The following DIS3L2 variants were observed in gnomAD, a reference collection of about 807,000 sequenced individuals.
DIS3L2 encodes the protein DIS3 like 3'-5' exoribonuclease 2.
Under a neutral mutation model 97.5 loss-of-function variants are expected in DIS3L2, and 34 were observed. That is an observed-to-expected ratio of 0.35 (90% CI 0.27 to 0.46). The LOEUF is 0.46. Among genes scored for constraint, DIS3L2 ranks in the 20% least tolerant of loss-of-function variants. The pLI is 1.00. For missense variants in DIS3L2, 1,038 were observed against 1,146.0 expected (o/e 0.91, Z 1.36); for synonymous variants, 435 against 445.2 (o/e 0.98, Z 0.29).
rs773802011 is a variant in DIS3L2, at chr2:232,276,563, C to T, written c.1659+13123C>T. On this transcript the variant is annotated intron_variant, in intron 13 of 20. Transcript: ENST00000325385. This position sits in a 1 kb window ranked among gnomAD's most constrained non-coding sequence, Gnocchi z 4.4. ...CCAGAGGCCTCGCTCAGACTTGTTC[C>T]TTTTTGGTACATGTTTCCACTCCAG... is the stretch of plus-strand genomic sequence containing the variant. Among the ~76,000 whole-genome samples the T allele has an allele frequency of 1.9e-4, 29 of 152,224 alleles. No individual in the cohort carries two copies. The highest frequency in any genetic ancestry group is 3.4e-4 in the Non-Finnish European group (23 of 68,036).
intron 13 of DIS3L2, among the ~76,000 whole-genome samples, chr2:232,275,260 C>G (rs1406103622): frequency 6.6e-6 from 1 of 152,198 alleles, no homozygotes; most frequent in Non-Finnish European, 1.5e-5. Flanking sequence ...GGTTTTCTTT[C>G]TTTACTCCTT....
At chr2:232,106,551 G>C (rs1007289538) in intron 6 of DIS3L2, among the ~76,000 whole-genome samples, 6 of 152,176 alleles carry the variant, frequency 3.9e-5, no homozygotes, top group African/African-American at 1.4e-4. Flanking sequence ...AACAAGGAGA[G>C]TTAAATGTCC....
At chr2:232,100,587 C>T (rs986484750) in intron 6 of DIS3L2, among the ~76,000 whole-genome samples, 7 of 151,848 alleles carry the variant, frequency 4.6e-5, no homozygotes, top group African/African-American at 1.7e-4. Context: ...TTATTATTCA[C>T]TTTTAAATGT....
At chr2:232,279,094 C>T (rs540735051) in intron 13 of DIS3L2, among the ~76,000 whole-genome samples, 14 of 152,284 alleles carry the variant, frequency 9.2e-5, no homozygotes, top group Admixed American at 7.8e-4. Flanking sequence ...TGTGCCACCA[C>T]GCCCAGCTTA....
chr2:232,012,536 G>A (rs1294905056), intron 1 of DIS3L2, among the ~76,000 whole-genome samples: 8 of 152,066 alleles, frequency 5.3e-5, no homozygotes, highest in Non-Finnish European at 1.2e-4. Context: ...TCGACTCCTC[G>A]CCCCAACCAA....
chr2:232,233,803 A>C (rs900526856), intron 10 of DIS3L2, among the ~76,000 whole-genome samples: 1 of 152,212 alleles, frequency 6.6e-6, no homozygotes, highest in Non-Finnish European at 1.5e-5. Flanking sequence ...TAAGCTAGAA[A>C]TTTAGGAGTG....
chr2:232,242,454 T>A (rs2853366), intron 11 of DIS3L2, among the ~76,000 whole-genome samples: 1 of 151,988 alleles, frequency 6.6e-6, no homozygotes, highest in African/African-American at 2.4e-5. Flanking sequence ...TGACTTGGCT[T>A]GTGGGCATCT....
intron 10 of DIS3L2, among the ~76,000 whole-genome samples, chr2:232,235,581 T>C (rs1050475376): frequency 2.0e-5 from 3 of 152,236 alleles, no homozygotes; most frequent in Non-Finnish European, 2.9e-5. Flanking sequence ...TAATGAACTC[T>C]TTGTCAGTTT....
intron 13 of DIS3L2, among the ~76,000 whole-genome samples, chr2:232,342,345 G>T (rs984368726): frequency 6.7e-6 from 1 of 150,300 alleles, no homozygotes; most frequent in Non-Finnish European, 1.5e-5. Flanking sequence ...ACATGAAGAA[G>T]TATCTTATTT....
At chr2:232,189,693 T>C (rs1016282037) in intron 9 of DIS3L2, among the ~76,000 whole-genome samples, 1 of 152,158 alleles carries the variant, frequency 6.6e-6, no homozygotes. Flanking sequence ...TAAAATTGTA[T>C]AGAACTTATA....
intron 9 of DIS3L2, among the ~76,000 whole-genome samples, chr2:232,202,009 GT>G (rs1014463055): frequency 4.9e-4 from 74 of 152,212 alleles, no homozygotes; most frequent in African/African-American, 1.5e-3. Context: ...TATTTTCTGG[GT>G]TTAAACCATG....
At chr2:232,104,771 C>T (rs532128868) in intron 6 of DIS3L2, among the ~76,000 whole-genome samples, 1 of 152,176 alleles carries the variant, frequency 6.6e-6, no homozygotes, top group South Asian at 2.1e-4. Context: ...AATAATATTC[C>T]ATTATATTGT....
chr2:232,045,876 T>C (rs1422280898), intron 5 of DIS3L2, among the ~76,000 whole-genome samples: 2 of 152,082 alleles, frequency 1.3e-5, no homozygotes, highest in Non-Finnish European at 2.9e-5. Flanking sequence ...GGTTTCACCA[T>C]GTTGACCAGG....
chr2:232,206,579 A>T (rs539563905), intron 9 of DIS3L2, among the ~76,000 whole-genome samples: 37 of 152,292 alleles, frequency 2.4e-4, no homozygotes, highest in African/African-American at 8.9e-4. Flanking sequence ...AACTGTTCTC[A>T]TCTTGCAGGT....
chr2:232,035,286 T>G (rs1026254410), intron 5 of DIS3L2, among the ~76,000 whole-genome samples: 14 of 152,252 alleles, frequency 9.2e-5, no homozygotes, highest in African/African-American at 2.9e-4. Flanking sequence ...CTTTGTTGGT[T>G]TAAAGTCTGT....
At chr2:232,026,981 G>A (rs1474807910) in intron 4 of DIS3L2, among the ~76,000 whole-genome samples, 1 of 152,044 alleles carries the variant, frequency 6.6e-6, no homozygotes, top group Non-Finnish European at 1.5e-5. Flanking sequence ...TCACCTCTAG[G>A]TAATTAAGAA....
chr2:232,013,959 A>G (rs1172401266), intron 1 of DIS3L2, among the ~76,000 whole-genome samples: 1 of 152,220 alleles, frequency 6.6e-6, no homozygotes, highest in African/African-American at 2.4e-5. Context: ...GTGTGTGGGA[A>G]ATATAGAGGA....
intron 10 of DIS3L2, among the ~76,000 whole-genome samples, chr2:232,236,682 A>G (rs1050306726): frequency 5.9e-5 from 9 of 152,292 alleles, no homozygotes; most frequent in Admixed American, 5.9e-4. Flanking sequence ...CAAATTCAGC[A>G]CTATGCTTGT....
At chr2:232,058,092 T>C (rs1282442009) in intron 5 of DIS3L2, among the ~76,000 whole-genome samples, 1 of 152,168 alleles carries the variant, frequency 6.6e-6, no homozygotes, top group African/African-American at 2.4e-5. Context: ...GGTCACAAAA[T>C]TAAGTTAAAT....
Sources: allele counts gnomAD v4.1 joint callset (sites outside exome capture counted in the v4.1 genomes callset), GRCh38; gene constraint gnomAD v4.1.1; non-coding constraint Gnocchi (gnomAD v3.1); transcripts MANE v1.5; gene names NCBI Gene and HGNC (gene_info 2026-07-23, HGNC 2026-07-21).